PRKG1: variants seen among roughly 807,000 people sequenced by gnomAD.
PRKG1 encodes cGMP-dependent protein kinase 1.
Under a neutral mutation model 88.1 loss-of-function variants are expected in PRKG1, and 35 were observed. The ratio of observed to expected loss-of-function variants is 0.40; its 90% CI spans 0.30 to 0.53. The LOEUF is 0.53. PRKG1 is among the 20% of genes least tolerant of loss of function. PRKG1 has a pLI of 0.59. For missense variants in PRKG1, 540 were observed against 839.8 expected (o/e 0.64, Z 4.41); for synonymous variants, 303 against 292.5 (o/e 1.04, Z -0.37).
chr10:51,736,969 G>A (rs186019600), intron 3 of PRKG1, among the ~76,000 whole-genome samples: 10 of 152,126 alleles, frequency 6.6e-5, no homozygotes, highest in Non-Finnish European at 1.5e-4. Context: ...ACATTTCAAA[G>A]TAAATTGCAG....
intron 4 of PRKG1, among the ~76,000 whole-genome samples, chr10:51,824,443 A>T (rs991032688): frequency 1.3e-5 from 2 of 151,836 alleles, no homozygotes; most frequent in Admixed American, 6.6e-5. Context: ...TATATTGTTG[A>T]TTGTTTCTTA....
intron 3 of PRKG1, among the ~76,000 whole-genome samples, chr10:51,516,895 A>G: frequency 6.6e-6 from 1 of 152,206 alleles, no homozygotes; most frequent in East Asian, 1.9e-4. Context: ...CAAATATACA[A>G]AAATAAGTTA....
chr10:51,761,743 C>T (rs552910792), intron 3 of PRKG1, among the ~76,000 whole-genome samples: 13 of 152,188 alleles, frequency 8.5e-5, no homozygotes, highest in Admixed American at 8.5e-4. Flanking sequence ...AAAAATTTCT[C>T]AGGCATGGGA....
At chr10:51,786,775 A>G (rs1838740586) in intron 3 of PRKG1, among the ~76,000 whole-genome samples, 1 of 152,144 alleles carries the variant, frequency 6.6e-6, no homozygotes, top group Non-Finnish European at 1.5e-5. Context: ...TTCAAGCTTT[A>G]CTTGTGACTT....
At chr10:51,849,765 AT>A (rs1840497061) in intron 4 of PRKG1, among the ~76,000 whole-genome samples, 1 of 152,144 alleles carries the variant, frequency 6.6e-6, no homozygotes, top group African/African-American at 2.4e-5. Flanking sequence ...ATTATCACTT[AT>A]TTTATATACA....
intron 9 of PRKG1, among the ~76,000 whole-genome samples, chr10:52,248,463 C>T (rs1841082350): frequency 1.3e-5 from 2 of 152,150 alleles, no homozygotes; most frequent in South Asian, 4.1e-4. Context: ...AAGAGGACGA[C>T]TATTCAAAGA....
intron 2 of PRKG1, among the ~76,000 whole-genome samples, chr10:51,204,759 A>G (rs1416861572): frequency 1.3e-5 from 2 of 152,074 alleles, no homozygotes; most frequent in Non-Finnish European, 1.5e-5. Flanking sequence ...AGTGTCATCC[A>G]TTGTCCTTGA....
chr10:51,226,010 C>T (rs1192368635), intron 2 of PRKG1, among the ~76,000 whole-genome samples: 1 of 152,094 alleles, frequency 6.6e-6, no homozygotes, highest in African/African-American at 2.4e-5. Context: ...TTGAGATCAG[C>T]CTGGGCAACA....
At chr10:51,900,137 A>G (rs1384657892) in intron 4 of PRKG1, among the ~76,000 whole-genome samples, 2 of 152,340 alleles carry the variant, frequency 1.3e-5, no homozygotes, top group Middle Eastern at 3.4e-3. Flanking sequence ...ATTCTATTAT[A>G]GCAATGCAAA....
chr10:51,677,694 G>C (rs1840746075), intron 3 of PRKG1, among the ~76,000 whole-genome samples: 1 of 152,186 alleles, frequency 6.6e-6, no homozygotes, highest in Admixed American at 6.5e-5. Flanking sequence ...AATGTCCAAA[G>C]ATAATGCCAG....
At chr10:51,709,399 A>T (rs1225108084) in intron 3 of PRKG1, among the ~76,000 whole-genome samples, 1 of 152,212 alleles carries the variant, frequency 6.6e-6, no homozygotes, top group African/African-American at 2.4e-5. Flanking sequence ...CTATCATCTG[A>T]CATTTATGCT....
intron 3 of PRKG1, among the ~76,000 whole-genome samples, chr10:51,603,522 T>C (rs1240601805): frequency 1.3e-5 from 2 of 152,166 alleles, no homozygotes; most frequent in African/African-American, 4.8e-5. Flanking sequence ...CCTCTATCCA[T>C]TTGCTAATAA....
intron 2 of PRKG1, among the ~76,000 whole-genome samples, chr10:51,303,936 C>T (rs930542407): frequency 4.6e-5 from 7 of 152,020 alleles, no homozygotes; most frequent in African/African-American, 9.7e-5. Context: ...TCTCCTTCCT[C>T]GGCCTCCCAA....
At chr10:51,802,729 A>G (rs1839206547) in intron 3 of PRKG1, among the ~76,000 whole-genome samples, 2 of 152,156 alleles carry the variant, frequency 1.3e-5, no homozygotes, top group Non-Finnish European at 2.9e-5. Context: ...AACAATATTA[A>G]CACATGCTAA....
chr10:51,672,967 T>C (rs892361330), intron 3 of PRKG1, among the ~76,000 whole-genome samples: 3 of 152,210 alleles, frequency 2.0e-5, no homozygotes, highest in Non-Finnish European at 4.4e-5. Context: ...CTCAGTTGTA[T>C]CTTCTAGCTA....
At chr10:51,569,676 C>A (rs985801268) in intron 3 of PRKG1, among the ~76,000 whole-genome samples, 1 of 151,908 alleles carries the variant, frequency 6.6e-6, no homozygotes, top group Admixed American at 6.6e-5. Flanking sequence ...ATGGAGGAGC[C>A]AGGTTTCATA....
chr10:51,986,396 C>T lies in PRKG1; in HGVS notation c.763-68088C>T, dbSNP rs1320260167. ...AGTCACATAGAACACATAAGATAGT[C>T]ACTTCAAAAAAAAGATCTTTTCCAA... On this transcript the variant is annotated intron_variant, in intron 5 of 17. Transcript: ENST00000373980. 3.3e-5 allele frequency among the ~76,000 whole-genome samples: 5 copies of T among 151,996 alleles called. 1 individual carries two copies. The highest frequency in any genetic ancestry group is 6.5e-5 in the Admixed American group (1 of 15,270).
intron 5 of PRKG1, chr10:51,910,725 A>G (rs1271867385): frequency 6.6e-6 from 1 of 152,150 alleles, no homozygotes; most frequent in East Asian, 1.9e-4. Flanking sequence ...TTATTTTGCC[A>G]AGCGAAGATG....
chr10:51,073,460 C>G (rs1370537026), upstream of PRKG1, among the ~76,000 whole-genome samples: 1 of 152,022 alleles, frequency 6.6e-6, no homozygotes, highest in African/African-American at 2.4e-5. Context: ...ATTTTTGGAG[C>G]TCGGGAATGA....
Sources: allele counts gnomAD v4.1 joint callset (sites outside exome capture counted in the v4.1 genomes callset), GRCh38; gene constraint gnomAD v4.1.1; transcripts MANE v1.5; gene names NCBI Gene and HGNC (gene_info 2026-07-23, HGNC 2026-07-21).